The following SNX24 variants were observed in gnomAD, a reference collection of about 807,000 sequenced individuals.
SNX24 encodes the protein sorting nexin 24.
Under a neutral mutation model 28.7 loss-of-function variants are expected in SNX24, and 22 were observed. The observed-to-expected ratio is 0.77, with a 90% CI of 0.55 to 1.10. The LOEUF (loss-of-function observed/expected upper bound fraction) is 1.10, where lower values mean the gene tolerates loss of function less well. SNX24 is among the 50% of genes least tolerant of loss of function. SNX24 has a pLI of 0.00. For synonymous variants in SNX24, 69 were observed against 71.5 expected (o/e 0.96, Z 0.18); for missense variants, 221 against 201.1 (o/e 1.10, Z -0.60).
At chr5:122,889,721 G>GTGTATATA (rs1756879228) in intron 1 of SNX24, among the ~76,000 whole-genome samples, 1 of 75,676 alleles carries the variant, frequency 1.3e-5, no homozygotes, top group African/African-American at 7.5e-5. Context: ...ATATATATAT[G>GTGTATATA]TATGTGTATA....
Position 123,007,791 on chromosome 5 carries a change from T to C in SNX24, c.*42T>C. On this transcript the variant is annotated 3_prime_UTR_variant, in exon 7 of 7. Transcript: ENST00000261369. ...AAAGAAGCAGAAGCAAGTTTCGAAGTCACAGTCAAGGAAATCAATACCTAC... is the reference window on the plus strand; with the variant it reads ...AAAGAAGCAGAAGCAAGTTTCGAAGCCACAGTCAAGGAAATCAATACCTAC... 1 of 1,580,038 alleles carries C rather than the reference T, an allele frequency of 6.3e-7. No homozygotes were observed. The highest frequency in any genetic ancestry group is 1.2e-5 in the South Asian group (1 of 84,092).
chr5:122,871,621 T>G (rs1168620270), intron 1 of SNX24, among the ~76,000 whole-genome samples: 4 of 151,902 alleles, frequency 2.6e-5, no homozygotes. Flanking sequence ...ATACAAAAAA[T>G]TAGCCGGGTG....
chr5:122,988,749 A>G (rs1761707036), intron 3 of SNX24, among the ~76,000 whole-genome samples: 1 of 152,176 alleles, frequency 6.6e-6, no homozygotes, highest in African/African-American at 2.4e-5. Context: ...TTCTTTGTTT[A>G]GGTTCATCTC....
At chr5:122,977,663 T>C (rs1156953555) in intron 3 of SNX24, among the ~76,000 whole-genome samples, 1 of 152,226 alleles carries the variant, frequency 6.6e-6, no homozygotes, top group East Asian at 1.9e-4. Context: ...GCTACTGCAC[T>C]TCTATAGTCA....
At position 123,029,195 on chromosome 5, in the gene SNX24, G is replaced by GAAAA. The variant is rs1561750971; in HGVS notation, n.384-43_384-42insAAAA. 10 of 1,571,486 alleles carry GAAAA rather than the reference G, an allele frequency of 6.4e-6. No homozygotes were observed. In the Admixed American group the frequency reaches 1.8e-4, roughly 29 times the overall value. On this transcript the variant is annotated intron_variant and non_coding_transcript_variant, in intron 5 of 5. Transcript: ENST00000502387. ...TAATTGGAAAATAAAGTCAAATGTG[G>GAAAA]TAAGGTTCATCTGACATACTAATTT...
chr5:123,021,781 C>T (rs1033191374), intron 5 of SNX24, among the ~76,000 whole-genome samples: 1 of 152,176 alleles, frequency 6.6e-6, no homozygotes, highest in Non-Finnish European at 1.5e-5. Flanking sequence ...TCTGACCGCG[C>T]CCCTATCCCG....
At chr5:122,954,197 C>CTCTCCA (rs554412836) in intron 3 of SNX24, among the ~76,000 whole-genome samples, 6 of 150,638 alleles carry the variant, frequency 4.0e-5, no homozygotes, top group Non-Finnish European at 8.9e-5. Flanking sequence ...TTCTCTCTCT[C>CTCTCCA]TATATATATA....
chr5:122,923,832 G>C (rs425192), intron 1 of SNX24, among the ~76,000 whole-genome samples: 2 of 152,246 alleles, frequency 1.3e-5, no homozygotes, highest in South Asian at 4.1e-4. Flanking sequence ...CCGAGCTTAC[G>C]CTTTACCCTT....
intron 1 of SNX24, among the ~76,000 whole-genome samples, chr5:122,927,142 AG>A (rs1379532382): frequency 2.6e-5 from 4 of 152,212 alleles, no homozygotes; most frequent in African/African-American, 9.7e-5. Flanking sequence ...CCTATGTGAT[AG>A]GTGCCATTAT....
rs561042275 is a variant in SNX24 at position 122,916,812 on chromosome 5, G to T, written c.61-19922G>T. On this transcript the variant is annotated intron_variant, in intron 1 of 6. Coordinates refer to ENST00000261369, the MANE Select transcript of SNX24 (RefSeq NM_014035.4). Reference sequence around the variant, plus strand: ...AACTGTCAATTCAGCCTTATCGGGGGGTGTGATTTGGGATGTGGGCTCTTT... The same window carrying T: ...AACTGTCAATTCAGCCTTATCGGGGTGTGTGATTTGGGATGTGGGCTCTTT... 5.9e-5 allele frequency among the ~76,000 whole-genome samples: 9 copies of T among 152,196 alleles called. No homozygotes were observed. The East Asian group carries it at 1.7e-3, about 29-fold the overall frequency.
Position 122,904,476 on chromosome 5 carries a change from C to T in SNX24, c.61-32258C>T, listed in dbSNP as rs193161899. Among the ~76,000 whole-genome samples the T allele has an allele frequency of 4.2e-3, 634 of 152,284 alleles. 16 individuals carry two copies. Among genetic ancestry groups the T allele is most frequent in the Non-Finnish European group, 1.5e-3 (100 of 68,014 alleles). ...GGGATTACAGGTGTGAGCCACCACTCCCGGCCTTTTTATCTTTTGTTTTTT... is the reference window on the plus strand; with the variant it reads ...GGGATTACAGGTGTGAGCCACCACTTCCGGCCTTTTTATCTTTTGTTTTTT... On this transcript the variant is annotated intron_variant, in intron 1 of 6. Transcript: ENST00000261369.
chr5:122,910,236 T>C (rs1030974235), intron 1 of SNX24, among the ~76,000 whole-genome samples: 5 of 152,214 alleles, frequency 3.3e-5, no homozygotes, highest in African/African-American at 1.2e-4. Context: ...TCAGGACGTC[T>C]TGAGACCTCA....
chr5:123,013,092 C>T (rs1365984996), downstream of SNX24, among the ~76,000 whole-genome samples: 1 of 152,178 alleles, frequency 6.6e-6, no homozygotes, highest in Non-Finnish European at 1.5e-5. Context: ...TATGAGGTCA[C>T]AGGAAAAGAC....
chr5:122,909,215 G>C (rs1354305075), intron 1 of SNX24, among the ~76,000 whole-genome samples: 1 of 152,056 alleles, frequency 6.6e-6, no homozygotes, highest in Non-Finnish European at 1.5e-5. Flanking sequence ...TAGAATGAGG[G>C]GTTTTGAAAT....
At chr5:122,950,915 G>T (rs1759909447) in intron 3 of SNX24, among the ~76,000 whole-genome samples, 1 of 152,124 alleles carries the variant, frequency 6.6e-6, no homozygotes. Flanking sequence ...ATGAAAAAGT[G>T]GGGACTTTCC....
At chr5:122,952,439 C>T (rs965899951) in intron 3 of SNX24, among the ~76,000 whole-genome samples, 10 of 152,176 alleles carry the variant, frequency 6.6e-5, no homozygotes, top group South Asian at 4.1e-4. Flanking sequence ...CAACCCCCTT[C>T]GCACTCACCC....
intron 3 of SNX24, among the ~76,000 whole-genome samples, chr5:122,995,703 G>A (rs1211150884): frequency 1.3e-5 from 2 of 152,072 alleles, no homozygotes; most frequent in African/African-American, 2.4e-5. Flanking sequence ...CTAGCTTTTT[G>A]TCCAAACTTG....
chr5:122,912,144 C>A (rs1168139835), intron 1 of SNX24, among the ~76,000 whole-genome samples: 3 of 135,846 alleles, frequency 2.2e-5, no homozygotes, highest in Non-Finnish European at 4.7e-5. Flanking sequence ...CTTTTATTTC[C>A]TTGAGCAGTG....
rs371862315 is a variant in SNX24, at chr5:122,933,962, T to G, written c.61-2772T>G. 9.9e-5 allele frequency among the ~76,000 whole-genome samples: 15 copies of G among 152,070 alleles called. 2 individuals carry two copies. The highest frequency in any genetic ancestry group is 3.9e-4 in the East Asian group (2 of 5,154). On this transcript the variant is annotated intron_variant, in intron 1 of 6. Coordinates refer to ENST00000261369, the MANE Select transcript of SNX24 (RefSeq NM_014035.4). ...CACACCCAGCTAATTTTTGTGTTTT[T>G]AGTAGAGACAGGGTTTCATCATATT...
Sources: gnomAD v4.1 joint callset for allele counts (sites outside exome capture counted in the v4.1 genomes callset) on GRCh38, gnomAD v4.1.1 for gene constraint, MANE v1.5 for transcripts, NCBI Gene and HGNC (gene_info 2026-07-23, HGNC 2026-07-21) for gene names.